STARD8: variants seen among roughly 807,000 people sequenced by gnomAD.
STARD8 encodes stAR-related lipid transfer protein 8.
In STARD8, 25 loss-of-function variants were observed where a neutral mutation model predicts 69.4. That is an observed-to-expected ratio of 0.36 (90% CI 0.26 to 0.50). The LOEUF (loss-of-function observed/expected upper bound fraction) is 0.50. Ranked by LOEUF, STARD8 falls within the 20% of genes least tolerant of loss-of-function variation. The pLI, the probability that STARD8 is intolerant of heterozygous loss-of-function variation, is 0.96. For synonymous variants in STARD8, 389 were observed against 374.6 expected (o/e 1.04, Z -0.45); for missense variants, 921 against 932.5 (o/e 0.99, Z 0.16).
intron 2 of STARD8, among the ~76,000 whole-genome samples, chrX:68,712,684 A>G (rs1216261774): frequency 1.8e-5 from 2 of 111,658 alleles, no homozygotes; most frequent in African/African-American, 6.5e-5. Context: ...GACTCAAGAA[A>G]GCCAGGGCCA....
chrX:68,717,545 A>G lies in STARD8; in HGVS notation c.631A>G (p.Lys211Glu), dbSNP rs1328933483. 3.3e-6 allele frequency: 4 copies of G among 1,209,538 alleles called. No individual in the cohort carries two copies. In the African/African-American group the frequency reaches 7.0e-5, roughly 21 times the overall value. ...GCGCCATCGTAACCGTAGCTTCCTC[A>G]AGCACCTTGAATCTCTGAGGCGGAA... ...KKRHRNRSFLKHLESLRRKEK... is the reference protein window; with the variant it reads ...KKRHRNRSFLEHLESLRRKEK... The change falls in exon 6 of 15, where the codon AAG becomes GAG. Residue 211 changes from lysine (K) to glutamate (E), a missense_variant. Transcript: ENST00000374599.
At chrX:68,720,842 C>A in intron 8 of STARD8, 82 bp from the exon 9 acceptor site, 3 of 989,626 alleles carry the variant, frequency 3.0e-6, no homozygotes, top group Middle Eastern at 2.6e-4. Flanking sequence ...AGGCTCCTGA[C>A]ACCCAGTCTA....
chrX:68,678,041 G>A (rs1031690024), intron 2 of STARD8, among the ~76,000 whole-genome samples: 38 of 111,087 alleles, frequency 3.4e-4, no homozygotes, highest in Non-Finnish European at 6.4e-4. Flanking sequence ...GAAAAGGGAA[G>A]GGACTTATGC....
chrX:68,688,758 C>T (rs1411908551), intron 2 of STARD8, among the ~76,000 whole-genome samples: 25 of 107,278 alleles, frequency 2.3e-4, no homozygotes, highest in African/African-American at 8.3e-4. Context: ...CTGCCTTTCC[C>T]CCAGGCTCCC....
intron 2 of STARD8, among the ~76,000 whole-genome samples, chrX:68,675,805 T>C (rs1424434524): frequency 9.0e-6 from 1 of 111,581 alleles, no homozygotes; most frequent in East Asian, 2.8e-4. Context: ...AAAGACCAGA[T>C]GTGCTTTCCT....
At chrX:68,722,278 A>G in intron 11 of STARD8, 117 bp downstream of exon 11, 1 of 823,655 alleles carries the variant, frequency 1.2e-6, no homozygotes. Flanking sequence ...TCAAGCTTAT[A>G]CCCCCAACTC....
At chrX:68,710,086 G>A (rs1260329401) in intron 2 of STARD8, among the ~76,000 whole-genome samples, 1 of 111,827 alleles carries the variant, frequency 8.9e-6, no homozygotes, top group Non-Finnish European at 1.9e-5. Flanking sequence ...GCTGGCATGA[G>A]GGCAGGTGGC....
chrX:68,691,453 G>A (rs758180447), intron 2 of STARD8, among the ~76,000 whole-genome samples: 5 of 111,963 alleles, frequency 4.5e-5, no homozygotes, highest in Non-Finnish European at 7.5e-5. Context: ...GGGTATTGAA[G>A]GGGATGAGCT....
chrX:68,712,916 G>T lies in STARD8; in HGVS notation c.82G>T (p.Ala28Ser). Residue 28 changes from alanine (A) to serine (S), a missense_variant and splice_region_variant, in exon 3 of 15, where the codon GCC becomes TCC. Physicochemically the swap from Ala to Ser is moderately conservative, Grantham distance 99. Coordinates refer to ENST00000374599, the MANE Select transcript of STARD8 (RefSeq NM_001142503.3). ...TTCTTTCCCTTGTTCTGTTTTAGAAGCCGAGGCCAAAAGAGCATGTGAGTG... is the reference window on the plus strand; with the variant it reads ...TTCTTTCCCTTGTTCTGTTTTAGAATCCGAGGCCAAAAGAGCATGTGAGTG... The part of the protein sequence containing the change: ...PLLQVKKNAE[A>S]EAKRACEWLQ... The T allele has an allele frequency of 1.7e-6, 2 of 1,204,761 alleles. No homozygotes were observed. Among genetic ancestry groups the T allele is most frequent in the Non-Finnish European group, 2.2e-6 (2 of 891,809 alleles).
chrX:68,688,847 C>A (rs1287850004), intron 2 of STARD8, among the ~76,000 whole-genome samples: 1 of 104,796 alleles, frequency 9.5e-6, no homozygotes, highest in Non-Finnish European at 2.0e-5. Flanking sequence ...CACCCCCACC[C>A]CCGTGCTCTG....
intron 2 of STARD8, among the ~76,000 whole-genome samples, chrX:68,696,977 G>A (rs1011333021): frequency 9.0e-6 from 1 of 111,266 alleles, no homozygotes; most frequent in African/African-American, 3.3e-5. Context: ...AGTGTACTAA[G>A]ACCCCATGTA....
intron 2 of STARD8, among the ~76,000 whole-genome samples, chrX:68,675,972 C>T (rs1458587489): frequency 1.8e-5 from 2 of 112,036 alleles, no homozygotes; most frequent in African/African-American, 6.5e-5. Context: ...CCCCAATTTC[C>T]CTATCATTAA....
chrX:68,654,480 C>T (rs965329879), intron 1 of STARD8, among the ~76,000 whole-genome samples: 4 of 111,462 alleles, frequency 3.6e-5, no homozygotes, highest in African/African-American at 1.3e-4. Flanking sequence ...ACCTCCCAGT[C>T]GTGGGCCAAC....
At position 68,719,353 on chromosome X, in the gene STARD8, C is replaced by G; in HGVS notation, c.1844C>G (p.Ala615Gly). The G allele has an allele frequency of 5.0e-6, 6 of 1,203,046 alleles. No individual in the cohort carries two copies. The highest frequency in any genetic ancestry group is 6.7e-6 in the Non-Finnish European group (6 of 891,180). ...LHKGSLLRLT[A>G]FMEKYTVPHK... ...AAGGGCTCACTGCTGCGGCTTACCG[C>G]GTTCATGGAGAAGTACACTGTGCCC... Residue 615 changes from alanine to glycine, a missense_variant, in exon 7 of 15, where the codon GCG (alanine) becomes GGG (glycine). Coordinates refer to ENST00000374599, the MANE Select transcript of STARD8 (RefSeq NM_001142503.3).
chrX:68,690,022 G>GTTTTGT (rs200192096), intron 2 of STARD8, among the ~76,000 whole-genome samples: 1 of 105,000 alleles, frequency 9.5e-6, no homozygotes, highest in African/African-American at 3.8e-5. Context: ...GTTTTGTTTT[G>GTTTTGT]TTTGTTTGTT....
intron 1 of STARD8, among the ~76,000 whole-genome samples, chrX:68,662,021 TTTC>T (rs2079653857): frequency 1.0e-5 from 1 of 97,682 alleles, no homozygotes; most frequent in Non-Finnish European, 2.0e-5. Context: ...TCTTTCTTTC[TTTC>T]TTTTTGGAGT....
chrX:68,723,683 C>G lies in STARD8; in HGVS notation c.2857C>G (p.Pro953Ala), dbSNP rs2080171674. ...GGCATCCACAGAGGTGGCAGCCCCC[C>G]CAGCTGTGGTGCTGCATCGTGTTCT... ...WKASTEVAAPPAVVLHRVLRE... is the reference protein window; with the variant it reads ...WKASTEVAAPAAVVLHRVLRE... The change falls in exon 13 of 15, where the codon CCA becomes GCA. Residue 953 changes from proline to alanine, a missense_variant. Transcript: ENST00000374599. 1 of 1,199,142 alleles carries G rather than the reference C, an allele frequency of 8.3e-7. No homozygotes were observed. The highest frequency in any genetic ancestry group is 2.3e-4 in the Middle Eastern group (1 of 4,300).
At chrX:68,679,205 C>G (rs1569358356) in intron 2 of STARD8, among the ~76,000 whole-genome samples, 1 of 111,562 alleles carries the variant, frequency 9.0e-6, no homozygotes, top group African/African-American at 3.3e-5. Context: ...ACTTCTACCC[C>G]CCAAAATTGA....
chrX:68,724,592 A>T lies in STARD8; in HGVS notation c.*170A>T, dbSNP rs1251972109. ...TTTCCTAAAGCTCCTCTGCACATAG[A>T]GGGGAGAAAAAGAGAATTTAGGCAA... On this transcript the variant is annotated 3_prime_UTR_variant, in exon 15 of 15. Transcript: ENST00000374599. 2.4e-6 allele frequency: 1 copy of T among 417,821 alleles called. No homozygotes were observed. The highest frequency in any genetic ancestry group is 4.1e-6 in the Non-Finnish European group (1 of 242,960). 34.4% of individuals were successfully genotyped at this position (417,821 alleles called of 1,213,427 possible).
Sources: gnomAD v4.1 joint callset for allele counts (sites outside exome capture counted in the v4.1 genomes callset) on GRCh38, gnomAD v4.1.1 for gene constraint, MANE v1.5 for transcripts, NCBI Gene and HGNC (gene_info 2026-07-23, HGNC 2026-07-21) for gene names.